The following SLCO1B3 variants were observed in gnomAD, a reference collection of about 807,000 sequenced individuals.
SLCO1B3 encodes solute carrier organic anion transporter family member 1B3.
In SLCO1B3, 72 loss-of-function variants were observed where a neutral mutation model predicts 71.8. That is an observed-to-expected ratio of 1.00 (90% confidence interval 0.83 to 1.22). The LOEUF (loss-of-function observed/expected upper bound fraction) is 1.22. SLCO1B3 is among the 50% of genes most tolerant of loss of function. The pLI, the probability that SLCO1B3 is intolerant of heterozygous loss-of-function variation, is 0.00. For synonymous variants in SLCO1B3, 298 were observed against 278.4 expected, an observed-to-expected ratio of 1.07 and a Z score of -0.70; for missense variants, 911 against 819.7, an observed-to-expected ratio of 1.11 and a Z score of -1.36.
chr12:20,880,293 A>G (rs1303861131), intron 11 of SLCO1B3, among the ~76,000 whole-genome samples: 1 of 151,736 alleles, frequency 6.6e-6, no homozygotes, highest in Non-Finnish European at 1.5e-5. Flanking sequence ...TTTTCAACTA[A>G]TTCTATTATT....
chr12:20,818,119 T>C (rs1015478300), intron 3 of SLCO1B3, among the ~76,000 whole-genome samples: 1 of 152,104 alleles, frequency 6.6e-6, no homozygotes, highest in Non-Finnish European at 1.5e-5. Context: ...TGGGGCCTAA[T>C]AAAAAGGAGC....
intron 8 of SLCO1B3, among the ~76,000 whole-genome samples, chr12:20,873,348 G>GTTTTTT (rs1555157693): frequency 2.4e-4 from 37 of 151,384 alleles, no homozygotes; most frequent in Admixed American, 2.4e-3. Context: ...AGATGTTGTT[G>GTTTTTT]TTGTTTTTGT....
intron 3 of SLCO1B3, among the ~76,000 whole-genome samples, chr12:20,842,611 C>T (rs1405496511): frequency 1.3e-5 from 2 of 152,124 alleles, no homozygotes; most frequent in Non-Finnish European, 2.9e-5. Context: ...AATAGCCAAA[C>T]TGAAAAATCT....
chr12:20,852,848 A>G, intron 3 of SLCO1B3, among the ~76,000 whole-genome samples: 1 of 152,132 alleles, frequency 6.6e-6, no homozygotes, highest in East Asian at 1.9e-4. Context: ...TTTACATATA[A>G]GATGATGTCA....
intron 12 of SLCO1B3, among the ~76,000 whole-genome samples, chr12:20,882,049 A>G (rs1277856820): frequency 6.6e-6 from 1 of 152,186 alleles, no homozygotes; most frequent in African/African-American, 2.4e-5. Flanking sequence ...TTAAAAGCCC[A>G]CATCTCATAT....
At chr12:20,834,349 A>T (rs1864624940) in intron 3 of SLCO1B3, among the ~76,000 whole-genome samples, 1 of 139,266 alleles carries the variant, frequency 7.2e-6, no homozygotes, top group African/African-American at 2.5e-5. Flanking sequence ...CTATATATGT[A>T]GTCTTCATAT....
At chr12:20,859,781 A>G (rs1033180436) in intron 5 of SLCO1B3, among the ~76,000 whole-genome samples, 1 of 152,006 alleles carries the variant, frequency 6.6e-6, no homozygotes, top group African/African-American at 2.4e-5. Flanking sequence ...CAGTTCTCTA[A>G]TGTGCCATAA....
intron 4 of SLCO1B3, among the ~76,000 whole-genome samples, chr12:20,856,497 C>T (rs1865139820): frequency 1.3e-5 from 2 of 152,274 alleles, no homozygotes; most frequent in Admixed American, 6.5e-5. Flanking sequence ...TAGAAGTTAT[C>T]TAGAGATGAT....
chr12:20,860,351 G>A (rs1426344459), intron 5 of SLCO1B3, among the ~76,000 whole-genome samples: 1 of 152,106 alleles, frequency 6.6e-6, no homozygotes, highest in East Asian at 1.9e-4. Flanking sequence ...TAGAGAGTGT[G>A]AAATTTCCAA....
chr12:20,821,743 G>A (rs912086055), intron 3 of SLCO1B3, among the ~76,000 whole-genome samples: 6 of 152,156 alleles, frequency 3.9e-5, no homozygotes, highest in Admixed American at 2.0e-4. Flanking sequence ...GGCTAAGGGT[G>A]AAGGACCAAG....
intron 10 of SLCO1B3, among the ~76,000 whole-genome samples, chr12:20,878,915 A>T (rs1440644818): frequency 6.6e-6 from 1 of 152,132 alleles, no homozygotes; most frequent in Admixed American, 6.6e-5. Flanking sequence ...AGCCTGGGCA[A>T]AATTGGAGTG....
At chr12:20,846,851 C>T (rs958263482) in intron 3 of SLCO1B3, among the ~76,000 whole-genome samples, 1 of 151,468 alleles carries the variant, frequency 6.6e-6, no homozygotes, top group Non-Finnish European at 1.5e-5. Flanking sequence ...CCGTATTACA[C>T]TAATGAACAG....
intron 9 of SLCO1B3, among the ~76,000 whole-genome samples, chr12:20,876,237 A>T (rs10841687): frequency 0.72 from 109,977 of 151,850 alleles, 42,422 homozygotes; most frequent in South Asian, 0.9. Context: ...ATATAAGCCA[A>T]ATGGGCTAAT....
intron 5 of SLCO1B3, 31 bp downstream of exon 5, chr12:20,858,602 T>C (rs750534219): frequency 6.4e-7 from 1 of 1,565,688 alleles, no homozygotes; most frequent in Admixed American, 2.0e-5. Flanking sequence ...AGCCATTTAT[T>C]ATCAGCTACT....
intron 13 of SLCO1B3, among the ~76,000 whole-genome samples, chr12:20,889,581 A>C (rs1434212488): frequency 4.0e-5 from 6 of 151,886 alleles, no homozygotes; most frequent in Non-Finnish European, 7.4e-5. Context: ...CCTTATTTGA[A>C]TCTTCTTTCT....
chr12:20,881,500 C>G (rs1197291486), intron 12 of SLCO1B3, among the ~76,000 whole-genome samples: 1 of 152,136 alleles, frequency 6.6e-6, no homozygotes, highest in Non-Finnish European at 1.5e-5. Flanking sequence ...TCACTGTGGC[C>G]TTGGACTTTC....
chr12:20,879,434 A>G lies in SLCO1B3; in HGVS notation c.1136-2A>G, dbSNP rs935167804. ...AGCTTTTTTCTCTTCTTTTATTTCT[A>G]GGAATCATAACCATTCCTACGGTTG... On this transcript the variant is annotated splice_acceptor_variant, in intron 10 of 15. Transcript: ENST00000381545. LOFTEE classifies it high-confidence loss of function. The G allele has an allele frequency of 3.8e-6, 6 of 1,566,536 alleles. No individual in the cohort carries two copies. The African/African-American group carries it at 8.3e-5, about 22-fold the overall frequency.
chr12:20,822,094 C>T lies in SLCO1B3; in HGVS notation c.84+6272C>T, dbSNP rs887316240. Among the ~76,000 whole-genome samples the T allele has an allele frequency of 2.6e-5, 4 of 152,086 alleles. No individual in the cohort carries two copies. The South Asian group carries it at 8.3e-4, about 32-fold the overall frequency. On this transcript the variant is annotated intron_variant, in intron 3 of 15. Coordinates refer to ENST00000381545, the MANE Select transcript of SLCO1B3 (RefSeq NM_019844.4). Reference sequence around the variant, plus strand: ...GCTGGTCGGTCTGAGGACCTGAGGTCGTAGATGGATCTTTCTCACGGAGCA... The same window carrying T: ...GCTGGTCGGTCTGAGGACCTGAGGTTGTAGATGGATCTTTCTCACGGAGCA...
intron 12 of SLCO1B3, among the ~76,000 whole-genome samples, chr12:20,882,348 G>GA (rs951036621): frequency 6.6e-6 from 1 of 151,940 alleles, no homozygotes; most frequent in African/African-American, 2.4e-5. Context: ...TATTCCTATT[G>GA]AAAAAAAATA....
Sources: gnomAD v4.1 joint callset for allele counts (sites outside exome capture counted in the v4.1 genomes callset) on GRCh38, gnomAD v4.1.1 for gene constraint, MANE v1.5 for transcripts, NCBI Gene and HGNC (gene_info 2026-07-23, HGNC 2026-07-21) for gene names.